Variants in MRPS27 observed in about 807,000 individuals in gnomAD.
MRPS27 encodes small ribosomal subunit protein mS27.
A neutral mutation model predicts 48.9 loss-of-function variants in MRPS27; 43 were observed. That is an observed-to-expected ratio of 0.88 (90% CI 0.69 to 1.13). The LOEUF is 1.13. MRPS27 is among the 50% of genes most tolerant of loss of function. MRPS27 has a pLI of 0.00. For missense variants in MRPS27, 467 were observed against 476.3 expected (o/e 0.98, Z 0.18); for synonymous variants, 188 against 171.9 (o/e 1.09, Z -0.73).
At chr5:72,242,780 C>T (rs898728175) in intron 4 of MRPS27, among the ~76,000 whole-genome samples, 5 of 151,988 alleles carry the variant, frequency 3.3e-5, no homozygotes, top group African/African-American at 7.2e-5. Flanking sequence ...CTTTCTTCCA[C>T]GGGGTTGAAA....
chr5:72,310,570 A>C (rs574359118), intron 2 of MRPS27, among the ~76,000 whole-genome samples: 1 of 152,366 alleles, frequency 6.6e-6, no homozygotes, highest in South Asian at 2.1e-4. Context: ...TGAGAAAGAA[A>C]TGAGAGAAAA....
chr5:72,295,638 T>C (rs757350542), intron 3 of MRPS27, 49 bp from the exon 4 acceptor site: 1 of 1,468,922 alleles, frequency 6.8e-7, no homozygotes, highest in Non-Finnish European at 9.5e-7. Context: ...TTATGTCATA[T>C]ATTTGGCCTA....
At chr5:72,224,897 T>A (rs1349018841) in intron 9 of MRPS27, among the ~76,000 whole-genome samples, 1 of 152,194 alleles carries the variant, frequency 6.6e-6, no homozygotes, top group African/African-American at 2.4e-5. Context: ...AACACCTACC[T>A]GAAACGAATT....
intron 2 of MRPS27, among the ~76,000 whole-genome samples, chr5:72,309,514 C>T (rs1750381011): frequency 6.6e-6 from 1 of 152,166 alleles, no homozygotes; most frequent in African/African-American, 2.4e-5. Flanking sequence ...CTACCTCAGC[C>T]TCCCAAAGTG....
At chr5:72,232,657 T>A (rs1452620463) in intron 6 of MRPS27, 99 bp from the exon 7 acceptor site, 2 of 806,830 alleles carry the variant, frequency 2.5e-6, no homozygotes, top group Non-Finnish European at 3.9e-6. Flanking sequence ...TGGGGCATGG[T>A]TTAAAAAAAT....
chr5:72,240,560 A>AC (rs1029818102), intron 4 of MRPS27, among the ~76,000 whole-genome samples: 1 of 152,106 alleles, frequency 6.6e-6, no homozygotes, highest in Non-Finnish European at 1.5e-5. Context: ...TAAAGTTGTA[A>AC]CTTTTTTTTG....
intron 4 of MRPS27, among the ~76,000 whole-genome samples, chr5:72,254,118 A>C (rs1447383132): frequency 2.0e-5 from 3 of 152,166 alleles, no homozygotes; most frequent in Non-Finnish European, 4.4e-5. Context: ...ATACTCATAA[A>C]ATCTTCTTTG....
At chr5:72,287,578 G>A (rs954256968) in intron 4 of MRPS27, among the ~76,000 whole-genome samples, 1 of 152,224 alleles carries the variant, frequency 6.6e-6, no homozygotes, top group Non-Finnish European at 1.5e-5. Flanking sequence ...GGTGGAGGCT[G>A]CAGTGAGCCA....
At chr5:72,237,747 G>A (rs894186533) in intron 5 of MRPS27, among the ~76,000 whole-genome samples, 2 of 151,984 alleles carry the variant, frequency 1.3e-5, no homozygotes, top group Non-Finnish European at 2.9e-5. Context: ...AACCGAGAAT[G>A]AAATGACCAC....
At chr5:72,278,169 G>A (rs927465377) in intron 4 of MRPS27, among the ~76,000 whole-genome samples, 4 of 152,060 alleles carry the variant, frequency 2.6e-5, no homozygotes, top group Admixed American at 2.0e-4. Flanking sequence ...CTGGCCAGGC[G>A]CAGTGGCTCA....
intron 1 of MRPS27, among the ~76,000 whole-genome samples, chr5:72,318,535 C>T (rs532623829): frequency 7.9e-5 from 12 of 152,232 alleles, no homozygotes; most frequent in Non-Finnish European, 1.5e-4. Flanking sequence ...TGGCTCACGC[C>T]CGTAATCCCA....
intron 7 of MRPS27, among the ~76,000 whole-genome samples, chr5:72,231,270 A>G (rs1204936300): frequency 6.6e-6 from 1 of 152,116 alleles, no homozygotes; most frequent in Non-Finnish European, 1.5e-5. Flanking sequence ...GTATTTGGAC[A>G]TGTAATTTCC....
At chr5:72,307,183 C>T (rs1385183809) in intron 2 of MRPS27, among the ~76,000 whole-genome samples, 1 of 152,078 alleles carries the variant, frequency 6.6e-6, no homozygotes, top group Non-Finnish European at 1.5e-5. Context: ...AAGACCCCAT[C>T]TCTGCTAAAA....
rs192032542 is a variant in MRPS27 at position 72,289,361 on chromosome 5, A to G, written c.281+6170T>C. Among the ~76,000 whole-genome samples the G allele has an allele frequency of 3.3e-5, 5 of 152,164 alleles. No individual in the cohort carries two copies. The East Asian group carries it at 9.6e-4, about 29-fold the overall frequency. ...TTGCAACAGTCTTTTCTTATTGTAT[A>G]ACAATTCAGCATTCCCTACATGTTT... On this transcript the variant is annotated intron_variant, in intron 4 of 10. Transcript: ENST00000261413.
chr5:72,279,325 T>C (rs1023982074), intron 4 of MRPS27, among the ~76,000 whole-genome samples: 7 of 152,370 alleles, frequency 4.6e-5, no homozygotes, highest in African/African-American at 1.7e-4. Flanking sequence ...CTAAAATTCT[T>C]ATCTTATTGG....
At chr5:72,289,099 C>T (rs1749752086) in intron 4 of MRPS27, among the ~76,000 whole-genome samples, 1 of 152,234 alleles carries the variant, frequency 6.6e-6, no homozygotes, top group Non-Finnish European at 1.5e-5. Flanking sequence ...CTGCCATCTG[C>T]CTTGGCCCAG....
intron 4 of MRPS27, among the ~76,000 whole-genome samples, chr5:72,289,989 T>A (rs1330250158): frequency 6.6e-6 from 1 of 152,206 alleles, no homozygotes; most frequent in Non-Finnish European, 1.5e-5. Flanking sequence ...GAAATTTTTA[T>A]GGCTTGAGTT....
At chr5:72,312,302 G>A (rs2112089004) in intron 2 of MRPS27, among the ~76,000 whole-genome samples, 1 of 152,174 alleles carries the variant, frequency 6.6e-6, no homozygotes, top group Admixed American at 6.5e-5. Flanking sequence ...AAAATAAGGT[G>A]AATTTTGCAA....
chr5:72,232,111 G>C (rs1748077651), intron 7 of MRPS27, among the ~76,000 whole-genome samples: 1 of 152,138 alleles, frequency 6.6e-6, no homozygotes, highest in Non-Finnish European at 1.5e-5. Context: ...TAATATCCCA[G>C]GTAATGGTCA....
Sources: allele counts gnomAD v4.1 joint callset (sites outside exome capture counted in the v4.1 genomes callset), GRCh38; gene constraint gnomAD v4.1.1; transcripts MANE v1.5; gene names NCBI Gene and HGNC (gene_info 2026-07-23, HGNC 2026-07-21).